NEXMIF: variants seen among roughly 807,000 people sequenced by gnomAD.
NEXMIF encodes the protein XLMR protein related to neurite extension.
In NEXMIF, 8 loss-of-function variants were observed where a neutral mutation model predicts 62.1. That is an observed-to-expected ratio of 0.13 (90% CI 0.08 to 0.23). The LOEUF is 0.23. NEXMIF is among the 10% of genes least tolerant of loss of function. NEXMIF has a pLI of 1.00. For missense variants in NEXMIF, 976 were observed against 1,113.3 expected (o/e 0.88, Z 1.75); for synonymous variants, 404 against 416.6 (o/e 0.97, Z 0.37).
At chrX:74,818,987 T>C (rs1287371641) in intron 1 of NEXMIF, among the ~76,000 whole-genome samples, 1 of 111,637 alleles carries the variant, frequency 9.0e-6, no homozygotes, top group Non-Finnish European at 1.9e-5. Context: ...AAAACAGATA[T>C]ATAGACCAAC....
At chrX:74,848,695 A>C (rs1225447091) in intron 1 of NEXMIF, among the ~76,000 whole-genome samples, 1 of 112,656 alleles carries the variant, frequency 8.9e-6, no homozygotes, top group African/African-American at 3.2e-5. Context: ...AAAAAAAATG[A>C]ATATTAAAAG....
chrX:74,899,904 T>C (rs2080743862), intron 1 of NEXMIF, among the ~76,000 whole-genome samples: 1 of 111,737 alleles, frequency 8.9e-6, no homozygotes, highest in Non-Finnish European at 1.9e-5. Flanking sequence ...AAGGGCAATG[T>C]AGAAAATGAA....
chrX:74,879,955 T>C (rs1373175933), intron 1 of NEXMIF, among the ~76,000 whole-genome samples: 1 of 111,964 alleles, frequency 8.9e-6, no homozygotes, highest in Admixed American at 9.5e-5. Context: ...TGATCATACA[T>C]TGATACTCAA....
rs1277388831 is a variant in NEXMIF at position 74,876,567 on chromosome X, A to G, written c.-48+48316T>C. Among the ~76,000 whole-genome samples the G allele has an allele frequency of 1.1e-4, 11 of 104,142 alleles. No individual in the cohort carries two copies. The East Asian group carries it at 2.4e-3, about 23-fold the overall frequency. The allele number at this position is 104,142 out of a possible 115,157, so 90.4% of individuals were successfully genotyped here. On this transcript the variant is annotated intron_variant, in intron 1 of 3. Coordinates refer to ENST00000055682, the MANE Select transcript of NEXMIF (RefSeq NM_001008537.3). Reference sequence around the variant, plus strand: ...TCCTTGTTGACTTTCTGTCTCGTTGATCTGTCTAATGTTGACAGTGGGGTG... The same window carrying G: ...TCCTTGTTGACTTTCTGTCTCGTTGGTCTGTCTAATGTTGACAGTGGGGTG...
intron 1 of NEXMIF, among the ~76,000 whole-genome samples, chrX:74,920,751 T>C (rs2080824131): frequency 8.9e-6 from 1 of 112,113 alleles, no homozygotes; most frequent in Non-Finnish European, 1.9e-5. Flanking sequence ...AGGGTTTTTA[T>C]GGTTTTAGGT....
chrX:74,888,601 T>C (rs1486984587), intron 1 of NEXMIF, among the ~76,000 whole-genome samples: 1 of 110,475 alleles, frequency 9.1e-6, no homozygotes, highest in East Asian at 2.8e-4. Flanking sequence ...AGATGACGAG[T>C]TGATGGGTGC....
chrX:74,750,454 T>A (rs1343985987), intron 1 of NEXMIF, among the ~76,000 whole-genome samples: 4 of 111,977 alleles, frequency 3.6e-5, no homozygotes, highest in African/African-American at 1.3e-4. Context: ...ACCTTAGCTG[T>A]CACACTGGAA....
At position 74,742,226 on chromosome X, in the gene NEXMIF, A is replaced by G. The variant is rs762407174; in HGVS notation, c.2331T>C (p.His777=). 1.1e-5 allele frequency: 13 copies of G among 1,209,604 alleles called. No individual in the cohort carries two copies. Among genetic ancestry groups the G allele is most frequent in the Non-Finnish European group, 1.3e-5 (12 of 894,788 alleles). The change falls in exon 3 of 4, where the codon CAT becomes CAC. Residue 777 remains histidine, a synonymous_variant. Transcript: ENST00000055682. ...TGGAACTCTTAGCAGCCTTTGCCTC[A>G]TGAAATTCAGATAGACGGGAACTGT... ...TSNSSRLSEF[H]EAKAAKSSTF... is the part of the protein sequence containing the mutation.
intron 1 of NEXMIF, among the ~76,000 whole-genome samples, chrX:74,868,000 C>T (rs751774225): frequency 2.7e-5 from 3 of 111,902 alleles, no homozygotes; most frequent in South Asian, 7.4e-4. Flanking sequence ...AGAAGACACT[C>T]ACATGGCCAA....
At chrX:74,885,325 A>T (rs2080686858) in intron 1 of NEXMIF, among the ~76,000 whole-genome samples, 1 of 111,857 alleles carries the variant, frequency 8.9e-6, no homozygotes, top group African/African-American at 3.2e-5. Context: ...ATAGAGACAC[A>T]AAAAACCCTT....
intron 1 of NEXMIF, among the ~76,000 whole-genome samples, chrX:74,843,649 C>T (rs1001909327): frequency 2.7e-5 from 3 of 109,876 alleles, no homozygotes; most frequent in Non-Finnish European, 3.8e-5. Flanking sequence ...CTCCTGACCT[C>T]GTGATCCGCC....
intron 1 of NEXMIF, among the ~76,000 whole-genome samples, chrX:74,885,966 C>T (rs908508611): frequency 8.9e-6 from 1 of 112,075 alleles, no homozygotes; most frequent in Non-Finnish European, 1.9e-5. Context: ...AAGTGTGCTT[C>T]ATCCCTGGGA....
Position 74,874,794 on chromosome X carries a change from TGTCTGTTG to T in NEXMIF, c.-48+50081_-48+50088del, listed in dbSNP as rs1207696887. On this transcript the variant is annotated intron_variant, in intron 1 of 3. Transcript: ENST00000055682. ...TTCACTCATGATTTGGCTCTCTGTT[TGTCTGTTG>T]TTGGTGTATAAGAATGCTTGTGATT... 1.3e-3 allele frequency among the ~76,000 whole-genome samples: 126 copies of T among 96,614 alleles called. 1 individual carries two copies. Among genetic ancestry groups the T allele is most frequent in the African/African-American group, 4.9e-3 (124 of 25,543 alleles). 83.9% of individuals were successfully genotyped at this position (96,614 alleles called of 115,157 possible).
At chrX:74,775,401 C>G in intron 1 of NEXMIF, among the ~76,000 whole-genome samples, 1 of 111,460 alleles carries the variant, frequency 9.0e-6, no homozygotes, top group East Asian at 2.8e-4. Context: ...AAAGACAGAG[C>G]CGTAAATATG....
chrX:74,876,539 G>C (rs777062069), intron 1 of NEXMIF, among the ~76,000 whole-genome samples: 26 of 106,509 alleles, frequency 2.4e-4, no homozygotes, highest in African/African-American at 8.6e-4. Context: ...CAATTCCTGG[G>C]TATCCTTGTT....
In NEXMIF at chrX:74,739,155, A is replaced by C. The variant is rs1168605088; in HGVS notation, c.*250T>G. The C allele has an allele frequency of 1.8e-5, 4 of 227,744 alleles. No homozygotes were observed. Among genetic ancestry groups the C allele is most frequent in the African/African-American group, 1.2e-4 (4 of 34,260 alleles). 18.8% of individuals were successfully genotyped at this position (227,744 alleles called of 1,213,427 possible). ...CCCAAATACAACCAAATGTTGATATAGAAGTAAAAATATATACAGTACAGT... is the reference window on the plus strand; with the variant it reads ...CCCAAATACAACCAAATGTTGATATCGAAGTAAAAATATATACAGTACAGT... On this transcript the variant is annotated 3_prime_UTR_variant, in exon 4 of 4. Transcript: ENST00000055682.
intron 1 of NEXMIF, among the ~76,000 whole-genome samples, chrX:74,784,180 T>C (rs1361205735): frequency 1.8e-5 from 2 of 111,825 alleles, no homozygotes; most frequent in Non-Finnish European, 3.8e-5. Flanking sequence ...TAATTAACCA[T>C]AGTCTTTCAT....
At chrX:74,775,027 CCT>C (rs1385985158) in intron 1 of NEXMIF, among the ~76,000 whole-genome samples, 1 of 111,606 alleles carries the variant, frequency 9.0e-6, no homozygotes, top group Non-Finnish European at 1.9e-5. Context: ...CATTCTGGCC[CCT>C]GTTAAAATAT....
intron 1 of NEXMIF, among the ~76,000 whole-genome samples, chrX:74,825,880 T>G (rs2080414930): frequency 1.8e-5 from 2 of 112,696 alleles, no homozygotes; most frequent in African/African-American, 6.4e-5. Flanking sequence ...TGGCTGCATA[T>G]AGTGTATATG....
Sources: gnomAD v4.1 joint callset for allele counts (sites outside exome capture counted in the v4.1 genomes callset) on GRCh38, gnomAD v4.1.1 for gene constraint, MANE v1.5 for transcripts, NCBI Gene and HGNC (gene_info 2026-07-23, HGNC 2026-07-21) for gene names.